ADGRG6: variants seen among roughly 807,000 people sequenced by gnomAD.
The protein encoded by ADGRG6 is adhesion G protein-coupled receptor G6.
Under a neutral mutation model 142.4 loss-of-function variants are expected in ADGRG6, and 84 were observed. That is an observed-to-expected ratio of 0.59 (90% CI 0.49 to 0.71). ADGRG6 has a LOEUF of 0.71. Ranked by LOEUF, ADGRG6 falls within the 30% of genes least tolerant of loss-of-function variation. The pLI is 0.00. For synonymous variants in ADGRG6, 521 were observed against 520.5 expected (o/e 1.00, Z -0.01); for missense variants, 1,367 against 1,466.6 (o/e 0.93, Z 1.11).
intron 2 of ADGRG6, among the ~76,000 whole-genome samples, chr6:142,366,923 C>A (rs537565631): frequency 1.3e-4 from 20 of 152,068 alleles, no homozygotes; most frequent in African/African-American, 4.8e-4. Context: ...CCAACTGTGA[C>A]AAACAAATGG....
At chr6:142,351,098 G>A (rs186456436) in intron 2 of ADGRG6, among the ~76,000 whole-genome samples, 6 of 152,150 alleles carry the variant, frequency 3.9e-5, no homozygotes, top group Admixed American at 1.3e-4. Context: ...AAAATTAGCC[G>A]GGCATGGTGG....
At chr6:142,319,520 A>G (rs1266343631) in intron 2 of ADGRG6, among the ~76,000 whole-genome samples, 2 of 152,070 alleles carry the variant, frequency 1.3e-5, no homozygotes, top group East Asian at 3.8e-4. Flanking sequence ...ATATTCTTCA[A>G]ATTGTTCCTT....
chr6:142,391,799 G>A (rs1774913228), intron 7 of ADGRG6, among the ~76,000 whole-genome samples: 1 of 151,688 alleles, frequency 6.6e-6, no homozygotes, highest in African/African-American at 2.4e-5. Flanking sequence ...TTTGTTTAAA[G>A]TTAGAGTGAT....
rs71643377 is a variant in ADGRG6 at position 142,370,813 on chromosome 6, C to CTT, written c.1069+36_1069+37dup. On this transcript the variant is annotated intron_variant, in intron 4 of 24. Transcript: ENST00000367609. ...GCTGTGGTGAGTTTGTAGCGTATTC[C>CTT]TTTTTTTTTTTTTTTTTAGCATTAT... The CTT allele has an allele frequency of 1.0e-3, 1,450 of 1,455,364 alleles. No homozygotes were observed. Among genetic ancestry groups the CTT allele is most frequent in the East Asian group, 2.0e-3 (83 of 41,464 alleles). The allele number at this position is 1,455,364 out of a possible 1,614,324, so 90.2% of individuals were successfully genotyped here.
chr6:142,355,144 G>A (rs1481879813), intron 2 of ADGRG6, among the ~76,000 whole-genome samples: 2 of 152,052 alleles, frequency 1.3e-5, no homozygotes, highest in Non-Finnish European at 2.9e-5. Context: ...CTTCTCTGGA[G>A]GAGCAATATA....
In ADGRG6 at chr6:142,443,459, A is replaced by G; in HGVS notation, c.3697A>G (p.Asn1233Asp). The G allele has an allele frequency of 6.2e-7, 1 of 1,611,896 alleles. No homozygotes were observed. Among genetic ancestry groups the G allele is most frequent in the East Asian group, 2.2e-5 (1 of 44,834 alleles). ...VKGYCNAHSD[N>D]FYKNIIMSDT... ...GGGTTATTGCAATGCTCATTCAGAC[A>G]ACTTCTATAAAAATATTATCATGTC... Residue 1233 changes from asparagine to aspartate, a missense_variant, in exon 25 of 25, where the codon AAC becomes GAC. Physicochemically the swap from Asn to Asp is conservative, Grantham distance 23. Transcript: ENST00000367609.
intron 1 of ADGRG6, among the ~76,000 whole-genome samples, chr6:142,307,016 G>A (rs1039305292): frequency 2.0e-5 from 3 of 152,030 alleles, no homozygotes; most frequent in Non-Finnish European, 4.4e-5. Flanking sequence ...GCAACTGATA[G>A]GATTGCAGGC....
intron 22 of ADGRG6, among the ~76,000 whole-genome samples, chr6:142,420,695 G>A (rs1582666121): frequency 6.6e-6 from 1 of 152,100 alleles, no homozygotes; most frequent in African/African-American, 2.4e-5. Context: ...TTTGTCAATG[G>A]TCTGCTTTGC....
At chr6:142,358,138 A>G (rs1178118997) in intron 2 of ADGRG6, among the ~76,000 whole-genome samples, 4 of 152,168 alleles carry the variant, frequency 2.6e-5, no homozygotes, top group Admixed American at 6.5e-5. Context: ...TTCTCTACTT[A>G]TGTTGGTAGT....
At chr6:142,367,961 T>C in intron 3 of ADGRG6, 51 bp downstream of exon 3, 2 of 998,266 alleles carry the variant, frequency 2.0e-6, no homozygotes, top group Non-Finnish European at 3.1e-6. Context: ...TAACATGTTC[T>C]GCAGTAAACA....
intron 2 of ADGRG6, among the ~76,000 whole-genome samples, chr6:142,318,169 A>G (rs1212508661): frequency 1.0e-4 from 6 of 58,182 alleles, no homozygotes; most frequent in African/African-American, 1.5e-4. Context: ...TATATATTAT[A>G]TATTTATATA....
chr6:142,370,253 A>G lies in ADGRG6; in HGVS notation c.529A>G (p.Ile177Val), dbSNP rs1781171780. 1 of 1,613,544 alleles carries G rather than the reference A, an allele frequency of 6.2e-7. No homozygotes were observed. The highest frequency in any genetic ancestry group is 1.1e-5 in the South Asian group (1 of 91,070). Residue 177 changes from isoleucine (I) to valine (V), a missense_variant, in exon 4 of 25, where the codon ATT (isoleucine) becomes GTT (valine). Physicochemically the swap from Ile to Val is conservative, Grantham distance 29 (BLOSUM62 3). Transcript: ENST00000367609. ...YQVSVAKSIS[I>V]PELSAFTLCF... Reference sequence around the variant, plus strand: ...GGTATCTGTTGCAAAAAGCATCTCTATTCCAGAGCTCAGTGCTTTCACACT... The same window carrying G: ...GGTATCTGTTGCAAAAAGCATCTCTGTTCCAGAGCTCAGTGCTTTCACACT...
intron 2 of ADGRG6, among the ~76,000 whole-genome samples, chr6:142,358,634 CG>C (rs1289384452): frequency 1.3e-5 from 2 of 152,120 alleles, no homozygotes; most frequent in Non-Finnish European, 2.9e-5. Context: ...TGGCTGGGCC[CG>C]GTGGCTCACA....
At chr6:142,323,551 T>G (rs1778619892) in intron 2 of ADGRG6, among the ~76,000 whole-genome samples, 1 of 152,132 alleles carries the variant, frequency 6.6e-6, no homozygotes, top group South Asian at 2.1e-4. Flanking sequence ...CTCATAAGAT[T>G]AGTCATGCAT....
intron 10 of ADGRG6, among the ~76,000 whole-genome samples, chr6:142,399,261 G>A (rs900230943): frequency 1.3e-5 from 2 of 152,148 alleles, no homozygotes; most frequent in Non-Finnish European, 2.9e-5. Flanking sequence ...AAAGAGGCAG[G>A]CATCTCCACT....
rs568721316 is a variant in ADGRG6, at chr6:142,322,543, G to T, written c.103+12899G>T. ...CAAAAGTTTGGGTTATTCTACCTTTGCCTGAAGGCTCTTTTCCTTGAGAGC... is the reference window on the plus strand; with the variant it reads ...CAAAAGTTTGGGTTATTCTACCTTTTCCTGAAGGCTCTTTTCCTTGAGAGC... On this transcript the variant is annotated intron_variant, in intron 2 of 24. Transcript: ENST00000367609. Among the ~76,000 whole-genome samples the T allele has an allele frequency of 2.6e-4, 39 of 152,144 alleles. 1 individual carries two copies. The highest frequency in any genetic ancestry group is 9.4e-4 in the African/African-American group (39 of 41,518).
intron 4 of ADGRG6, among the ~76,000 whole-genome samples, chr6:142,373,295 G>A (rs1781340225): frequency 6.6e-6 from 1 of 151,632 alleles, no homozygotes; most frequent in Non-Finnish European, 1.5e-5. Context: ...TTGCTCAGGG[G>A]AGAAGTATGA....
intron 2 of ADGRG6, among the ~76,000 whole-genome samples, chr6:142,338,017 G>GTTTTTTTTTTTTTTTTTTTTTTGT (rs1181314373): frequency 2.8e-5 from 1 of 35,392 alleles, no homozygotes; most frequent in Non-Finnish European, 4.7e-5. Flanking sequence ...TTGTATCTTT[G>GTTTTTTTTTTTTTTTTTTTTTTGT]TTTTTTTTTT....
chr6:142,427,060 C>A (rs1776979771), intron 22 of ADGRG6, among the ~76,000 whole-genome samples: 1 of 152,200 alleles, frequency 6.6e-6, no homozygotes, highest in Non-Finnish European at 1.5e-5. Context: ...GAGACATTTT[C>A]ACCATTGTCT....
Sources: allele counts gnomAD v4.1 joint callset (sites outside exome capture counted in the v4.1 genomes callset), GRCh38; gene constraint gnomAD v4.1.1; transcripts MANE v1.5; gene names NCBI Gene and HGNC (gene_info 2026-07-23, HGNC 2026-07-21).